Variants in CNTNAP2 observed in about 807,000 individuals in gnomAD.
The protein encoded by CNTNAP2 is contactin-associated protein-like 2.
A neutral mutation model predicts 155.2 loss-of-function variants in CNTNAP2; 98 were observed. The observed-to-expected ratio is 0.63, with a 90% CI of 0.54 to 0.75. The LOEUF (loss-of-function observed/expected upper bound fraction) is 0.75. Among genes scored for constraint, CNTNAP2 ranks in the 30% least tolerant of loss-of-function variants. CNTNAP2 has a pLI of 0.00. For synonymous variants in CNTNAP2, 651 were observed against 631.2 expected (o/e 1.03, Z -0.47); for missense variants, 1,727 against 1,688.1 (o/e 1.02, Z -0.40).
At chr7:147,790,718 T>A (rs760200126) in intron 13 of CNTNAP2, among the ~76,000 whole-genome samples, 11 of 152,228 alleles carry the variant, frequency 7.2e-5, no homozygotes, top group Non-Finnish European at 1.5e-4. Context: ...TTGACTGTAG[T>A]TTACTATTTA....
chr7:148,356,473 G>A (rs1242618523), intron 21 of CNTNAP2, among the ~76,000 whole-genome samples: 1 of 152,190 alleles, frequency 6.6e-6, no homozygotes, highest in Non-Finnish European at 1.5e-5. Context: ...GGAAAGCCGT[G>A]GCTCCTGCTC....
At chr7:148,290,217 T>A (rs1797165671) in intron 21 of CNTNAP2, among the ~76,000 whole-genome samples, 1 of 152,184 alleles carries the variant, frequency 6.6e-6, no homozygotes, top group African/African-American at 2.4e-5. Context: ...AAATTAAAAA[T>A]AGAGGAAAAA....
rs577809635 is a variant in CNTNAP2, at chr7:147,553,403, C to G, written c.1778-8735C>G. The stretch of plus-strand genomic sequence containing the variant: ...CTTCTCTTGTCTTCCTTGCAACCTC[C>G]TATTCATCCTATAAGACTTAGCATA... On this transcript the variant is annotated intron_variant, in intron 11 of 23. Transcript: ENST00000361727. 1.4e-4 allele frequency among the ~76,000 whole-genome samples: 21 copies of G among 152,262 alleles called. 1 individual carries two copies. The South Asian group carries it at 3.7e-3, about 27-fold the overall frequency.
At chr7:146,334,625 A>C (rs903674639) in intron 1 of CNTNAP2, among the ~76,000 whole-genome samples, 2 of 152,138 alleles carry the variant, frequency 1.3e-5, no homozygotes, top group African/African-American at 4.8e-5. Context: ...AAACCATCAA[A>C]GATGGAATTC....
At chr7:146,261,085 C>CT (rs1251358488) in intron 1 of CNTNAP2, among the ~76,000 whole-genome samples, 4 of 152,148 alleles carry the variant, frequency 2.6e-5, no homozygotes, top group Admixed American at 1.3e-4. Flanking sequence ...TCTGCACACT[C>CT]TTTCTCCTGC....
intron 1 of CNTNAP2, among the ~76,000 whole-genome samples, chr7:146,494,296 T>A (rs1323668597): frequency 1.3e-5 from 2 of 151,382 alleles, no homozygotes; most frequent in African/African-American, 4.9e-5. Flanking sequence ...ATCGCACCAC[T>A]GCACTCCAGC....
chr7:147,786,868 C>A (rs1797748042), intron 13 of CNTNAP2, among the ~76,000 whole-genome samples: 1 of 152,016 alleles, frequency 6.6e-6, no homozygotes, highest in Non-Finnish European at 1.5e-5. Flanking sequence ...ACTCATGAAA[C>A]TGAGGTGGGA....
chr7:147,473,320 G>C (rs1421090848), intron 10 of CNTNAP2, among the ~76,000 whole-genome samples: 1 of 152,142 alleles, frequency 6.6e-6, no homozygotes, highest in African/African-American at 2.4e-5. Context: ...CACATATTGA[G>C]AGAAGTAATG....
At chr7:147,507,574 T>C (rs1210714504) in intron 11 of CNTNAP2, among the ~76,000 whole-genome samples, 12 of 96,454 alleles carry the variant, frequency 1.2e-4, no homozygotes, top group African/African-American at 1.9e-4. Flanking sequence ...TTTTTTTTTT[T>C]TGGAGTCTCG....
rs1800017471 is a variant in CNTNAP2 at position 148,417,339 on chromosome 7, G to A, written c.*1723G>A. ...AAAACATTACCTAGAGTTGCCAGTG[G>A]CACATTACACCAGTACAGAGCACAT... On this transcript the variant is annotated 3_prime_UTR_variant, in exon 24 of 24. Coordinates refer to ENST00000361727, the MANE Select transcript of CNTNAP2 (RefSeq NM_014141.6). 6.6e-6 allele frequency: 1 copy of A among 152,574 alleles called. No homozygotes were observed. Among genetic ancestry groups the A allele is most frequent in the Non-Finnish European group, 1.5e-5 (1 of 68,034 alleles). 9.5% of individuals were successfully genotyped at this position (152,574 alleles called of 1,614,324 possible).
At chr7:146,838,231 G>A (rs1446909851) in intron 2 of CNTNAP2, among the ~76,000 whole-genome samples, 1 of 152,182 alleles carries the variant, frequency 6.6e-6, no homozygotes. Flanking sequence ...AGTTGGCAGG[G>A]CTCACCTTAT....
At chr7:147,131,097 TAC>T (rs534850849) in intron 7 of CNTNAP2, among the ~76,000 whole-genome samples, 12 of 149,530 alleles carry the variant, frequency 8.0e-5, no homozygotes, top group East Asian at 5.9e-4. Context: ...TGTGTATATA[TAC>T]ACACACATAT....
intron 1 of CNTNAP2, among the ~76,000 whole-genome samples, chr7:146,739,940 C>T (rs1801683619): frequency 6.6e-6 from 1 of 151,974 alleles, no homozygotes. Context: ...TCCATTTAAT[C>T]TTATATAAAT....
At chr7:147,721,561 G>A (rs1796567470) in intron 13 of CNTNAP2, among the ~76,000 whole-genome samples, 1 of 151,928 alleles carries the variant, frequency 6.6e-6, no homozygotes, top group Admixed American at 6.6e-5. Flanking sequence ...AGACTTATAA[G>A]GAGCATTACT....
intron 1 of CNTNAP2, among the ~76,000 whole-genome samples, chr7:146,308,737 A>C (rs1800766233): frequency 6.6e-6 from 1 of 152,126 alleles, no homozygotes; most frequent in African/African-American, 2.4e-5. Flanking sequence ...ACAGAAAACC[A>C]AACACCACAT....
At chr7:147,294,813 C>A (rs1438165886) in intron 8 of CNTNAP2, among the ~76,000 whole-genome samples, 2 of 151,976 alleles carry the variant, frequency 1.3e-5, no homozygotes, top group African/African-American at 4.8e-5. Flanking sequence ...TGCCCACCAC[C>A]ACACCCGGCT....
chr7:146,820,656 G>C (rs1317219204), intron 2 of CNTNAP2, among the ~76,000 whole-genome samples: 2 of 152,108 alleles, frequency 1.3e-5, no homozygotes, highest in African/African-American at 4.8e-5. Context: ...ATTTGGGGTG[G>C]AGAGTTCTGT....
At chr7:147,505,122 C>A (rs887373291) in intron 11 of CNTNAP2, among the ~76,000 whole-genome samples, 1 of 152,084 alleles carries the variant, frequency 6.6e-6, no homozygotes, top group Non-Finnish European at 1.5e-5. Flanking sequence ...AAGCTCACTC[C>A]GGGCCCCTGG....
At chr7:146,598,470 G>A (rs1798896858) in intron 1 of CNTNAP2, among the ~76,000 whole-genome samples, 1 of 152,020 alleles carries the variant, frequency 6.6e-6, no homozygotes, top group Non-Finnish European at 1.5e-5. Context: ...AACACCTCAA[G>A]TTTAGCTTTT....
Sources: allele counts gnomAD v4.1 joint callset (sites outside exome capture counted in the v4.1 genomes callset), GRCh38; gene constraint gnomAD v4.1.1; transcripts MANE v1.5; gene names NCBI Gene and HGNC (gene_info 2026-07-23, HGNC 2026-07-21).